Variants in GOLGA2 observed in about 807,000 individuals in gnomAD.
The protein encoded by GOLGA2 is golgin A2.
GOLGA2 carries 49 observed loss-of-function variants against 148.8 expected under a neutral mutation model. The observed-to-expected ratio is 0.33, with a 90% confidence interval of 0.26 to 0.42. The LOEUF (loss-of-function observed/expected upper bound fraction) is 0.42, where lower values mean the gene tolerates loss of function less well. Ranked by LOEUF, GOLGA2 falls within the 10% of genes least tolerant of loss-of-function variation. The probability of loss-of-function intolerance (pLI) is 1.00; values close to 1 mark genes in which losing one functional copy is unlikely to be tolerated. For synonymous variants in GOLGA2, 501 were observed against 511.8 expected, an observed-to-expected ratio of 0.98 and a Z score of 0.28; for missense variants, 1,178 against 1,304.6, an observed-to-expected ratio of 0.90 and a Z score of 1.49.
Position 128,265,779 on chromosome 9 carries a change from G to C in GOLGA2, c.826+9C>G. ...AGGTTGAAGGATGATGGGGTGCCCA[G>C]ATTCCCACCTTCTTTCTGCCTGGCA... is the stretch of plus-strand genomic sequence containing the variant. On this transcript the variant is annotated intron_variant, in intron 11 of 26. Coordinates refer to ENST00000611957, the MANE Select transcript of GOLGA2 (RefSeq NM_001366244.2). 1 of 1,613,042 alleles carries C rather than the reference G, an allele frequency of 6.2e-7. No homozygotes were observed. Among genetic ancestry groups the C allele is most frequent in the Non-Finnish European group, 8.5e-7 (1 of 1,178,952 alleles).
In GOLGA2 at chr9:128,272,835, C is replaced by A; in HGVS notation, c.238G>T (p.Asp80Tyr). The change falls in exon 3 of 27, where the codon GAC (aspartate) becomes TAC (tyrosine). Residue 80 changes from aspartate to tyrosine, a missense_variant. Transcript: ENST00000611957. ...IQDILKVLVS[D>Y]LNRSNGVALP... is the part of the protein sequence containing the mutation. ...GCTACCCCATTGGAACGGTTAAGGT[C>A]GGACACCAGCACCTTCAGAATGTCC... The A allele has an allele frequency of 7.8e-7, 1 of 1,281,100 alleles. No individual in the cohort carries two copies. The highest frequency in any genetic ancestry group is 1.0e-6 in the Non-Finnish European group (1 of 983,248). The allele number at this position is 1,281,100 out of a possible 1,614,324, so 79.4% of individuals were successfully genotyped here. A position where few individuals can be genotyped will look rare whatever the true frequency, so the allele number is the denominator to read the frequency against.
intron 19 of GOLGA2, among the ~76,000 whole-genome samples, 156 bp from the exon 20 acceptor site, chr9:128,259,547 C>T (rs1253516658): frequency 7.2e-5 from 11 of 152,190 alleles, no homozygotes; most frequent in Admixed American, 7.2e-4. Flanking sequence ...CTCGTGCCTC[C>T]TTCCCCAGCC....
chr9:128,272,502 A>G (rs1397048764), intron 3 of GOLGA2, among the ~76,000 whole-genome samples: 4 of 152,094 alleles, frequency 2.6e-5, no homozygotes, highest in Non-Finnish European at 5.9e-5. Context: ...AGAAAAAAAA[A>G]AGCCCCAAAT....
Position 128,266,533 on chromosome 9 carries a change from A to G in GOLGA2, c.643-208T>C, listed in dbSNP as rs1156975167. ...GTTTTTGCCCACAGCCACAGAACTGAAAGTCTGAATCTCGATTCTCTTGAA... is the reference window on the plus strand; with the variant it reads ...GTTTTTGCCCACAGCCACAGAACTGGAAGTCTGAATCTCGATTCTCTTGAA... On this transcript the variant is annotated intron_variant, in intron 8 of 26. Coordinates refer to ENST00000611957, the MANE Select transcript of GOLGA2 (RefSeq NM_001366244.2). The surrounding 1 kb of genome is among the most constrained non-coding windows in gnomAD (Gnocchi z 4.2). 1.7e-6 allele frequency: 1 copy of G among 604,762 alleles called. No individual in the cohort carries two copies. The highest frequency in any genetic ancestry group is 1.9e-5 in the African/African-American group (1 of 53,874). The allele number at this position is 604,762 out of a possible 1,614,324, so 37.5% of individuals were successfully genotyped here.
intron 3 of GOLGA2, among the ~76,000 whole-genome samples, chr9:128,269,438 T>C (rs542753576): frequency 3.3e-5 from 5 of 152,218 alleles, no homozygotes; most frequent in Admixed American, 2.0e-4. Flanking sequence ...GTAAGACATC[T>C]TCCCTGTGGC....
chr9:128,262,138 T>C (rs1197288797), intron 14 of GOLGA2, among the ~76,000 whole-genome samples: 3 of 150,780 alleles, frequency 2.0e-5, no homozygotes, highest in Admixed American at 6.6e-5. Context: ...GAAGTAGAGG[T>C]TGCAGTAAGT....
At chr9:128,259,131 T>A (rs1188021628) in intron 20 of GOLGA2, 36 bp downstream of exon 20, 1 of 1,598,434 alleles carries the variant, frequency 6.3e-7, no homozygotes, top group African/African-American at 1.3e-5. Flanking sequence ...TGCCAGGTTG[T>A]CCCCCTCGGG....
Position 128,266,360 on chromosome 9 carries a change from T to C in GOLGA2, c.643-35A>G. Reference sequence around the variant, plus strand: ...AGAGTCAAAGGAAGGTGACTGAGGGTGGCCCCCTCAACTCTATTCCCCAGA... The same window carrying C: ...AGAGTCAAAGGAAGGTGACTGAGGGCGGCCCCCTCAACTCTATTCCCCAGA... On this transcript the variant is annotated intron_variant, in intron 8 of 26. Transcript: ENST00000611957. This position sits in a 1 kb window ranked among gnomAD's most constrained non-coding sequence, Gnocchi z 4.2. 6.3e-7 allele frequency: 1 copy of C among 1,592,158 alleles called. No individual in the cohort carries two copies.
In GOLGA2 at chr9:128,257,864, T is replaced by C. The variant is rs1230780949; in HGVS notation, c.2537A>G (p.Lys846Arg). The change falls in exon 24 of 27, where the codon AAG becomes AGG. Residue 846 changes from lysine (K) to arginine (R), a missense_variant. By Grantham distance (26) the Lys-to-Arg change is conservative. This residue lies in a region of GOLGA2 where 529 missense variants were observed against 521.8 expected (regional missense o/e 1.01). Coordinates refer to ENST00000611957, the MANE Select transcript of GOLGA2 (RefSeq NM_001366244.2). This position sits in a 1 kb window ranked among gnomAD's most constrained non-coding sequence, Gnocchi z 8.0. ...QSRFMELMQE[K>R]ADLKERVEEL... ...CTCTACCCTCTCCTTCAGGTCTGCCTTCTCCTGCATGAGCTCCATAAAGCG... is the reference window on the plus strand; with the variant it reads ...CTCTACCCTCTCCTTCAGGTCTGCCCTCTCCTGCATGAGCTCCATAAAGCG... The C allele has an allele frequency of 1.2e-6, 2 of 1,614,052 alleles. No homozygotes were observed. Among genetic ancestry groups the C allele is most frequent in the Non-Finnish European group, 8.5e-7 (1 of 1,180,024 alleles).
rs561110056 is a variant in GOLGA2, at chr9:128,266,242, C to A, written c.681+45G>T. 2 of 1,565,084 alleles carry A rather than the reference C, an allele frequency of 1.3e-6. No individual in the cohort carries two copies. The highest frequency in any genetic ancestry group is 1.8e-6 in the Non-Finnish European group (2 of 1,135,848). On this transcript the variant is annotated intron_variant, in intron 9 of 26. Transcript: ENST00000611957. This position sits in a 1 kb window ranked among gnomAD's most constrained non-coding sequence, Gnocchi z 4.2. ...GAGGCCTCTACATTTGAATGCCCCC[C>A]AAACCCAGCAGTCATGTTGTGAGCA...
Position 128,271,587 on chromosome 9 carries a change from G to A in GOLGA2, c.288+1198C>T, listed in dbSNP as rs565121136. Among the ~76,000 whole-genome samples the A allele has an allele frequency of 5.3e-5, 8 of 151,920 alleles. No homozygotes were observed. Among genetic ancestry groups the A allele is most frequent in the East Asian group, 1.9e-4 (1 of 5,176 alleles). The stretch of plus-strand genomic sequence containing the variant: ...CTCTGTGAGTTCACACTCTGGCCAC[G>A]GCCTCACCGCTCCCCCTGCCTCCCC... On this transcript the variant is annotated intron_variant, in intron 3 of 26. Transcript: ENST00000611957. This position sits in a 1 kb window ranked among gnomAD's most constrained non-coding sequence, Gnocchi z 4.4.
At chr9:128,275,592 G>C in intron 1 of GOLGA2, 1 of 1,001,770 alleles carries the variant, frequency 1.0e-6, no homozygotes, top group South Asian at 2.3e-5. Flanking sequence ...TAGGTCCTTG[G>C]AGACGCCAGC....
intron 8 of GOLGA2, 66 bp downstream of exon 8, chr9:128,267,128 G>T (rs548573193): frequency 2.9e-5 from 33 of 1,126,408 alleles, no homozygotes; most frequent in Admixed American, 1.0e-4. Context: ...TTTCTTCAGG[G>T]TCCCAAGGGG....
Position 128,260,933 on chromosome 9 carries a change from T to C in GOLGA2, c.1421-131A>G, listed in dbSNP as rs1326177040. The C allele has an allele frequency of 5.6e-6, 4 of 716,822 alleles. No homozygotes were observed. The Admixed American group carries it at 1.1e-4, about 20-fold the overall frequency. 44.4% of individuals were successfully genotyped at this position (716,822 alleles called of 1,614,324 possible). ...TTCCTCGCACCCGGATGTTAGCCAA[T>C]CTTCCAAACCACTTTCCGATAGCGA... is the stretch of plus-strand genomic sequence containing the variant. On this transcript the variant is annotated intron_variant, in intron 17 of 26. Transcript: ENST00000611957. The surrounding 1 kb of genome is among the most constrained non-coding windows in gnomAD (Gnocchi z 4.8).
rs570799803 is a variant in GOLGA2 at position 128,275,961 on chromosome 9, G to A, written c.16C>T (p.Arg6Cys). MWPQPRLPPRPAMSEE... is the reference protein window; with the variant it reads MWPQPCLPPRPAMSEE... Reference sequence around the variant, plus strand: ...GACATCGCGGGGCGGGGAGGGAGGCGGGGTTGGGGCCACATCAGCGCGATC... The same window carrying A: ...GACATCGCGGGGCGGGGAGGGAGGCAGGGTTGGGGCCACATCAGCGCGATC... The change falls in exon 1 of 27, where the codon CGC becomes TGC. Residue 6 changes from arginine (R) to cysteine (C), a missense_variant. Physicochemically the swap from Arg to Cys is radical, Grantham distance 180. This residue lies in a region of GOLGA2 where 158 missense variants were observed against 156.6 expected (regional missense o/e 1.01). Transcript: ENST00000611957. 3.1e-6 allele frequency: 5 copies of A among 1,594,954 alleles called. No homozygotes were observed. In the South Asian group the frequency reaches 3.3e-5, roughly 11 times the overall value.
Position 128,258,387 on chromosome 9 carries a change from G to C in GOLGA2, c.2289+68C>G. On this transcript the variant is annotated intron_variant, in intron 22 of 26. Coordinates refer to ENST00000611957, the MANE Select transcript of GOLGA2 (RefSeq NM_001366244.2). The surrounding 1 kb of genome is among the most constrained non-coding windows in gnomAD (Gnocchi z 6.6). Reference sequence around the variant, plus strand: ...AAATCAGAAGGCCGGGAAACCAAGAGCAGAAGGGGGTCTGGGAGGGACCAC... The same window carrying C: ...AAATCAGAAGGCCGGGAAACCAAGACCAGAAGGGGGTCTGGGAGGGACCAC... The C allele has an allele frequency of 7.1e-7, 1 of 1,407,998 alleles. No individual in the cohort carries two copies. The highest frequency in any genetic ancestry group is 1.0e-6 in the Non-Finnish European group (1 of 996,056). 87.2% of individuals were successfully genotyped at this position (1,407,998 alleles called of 1,614,324 possible). A position where few individuals can be genotyped will look rare whatever the true frequency, so the allele number is the denominator to read the frequency against.
chr9:128,259,464 G>T, intron 19 of GOLGA2, 73 bp from the exon 20 acceptor site: 1 of 955,588 alleles, frequency 1.0e-6, no homozygotes, highest in Non-Finnish European at 1.6e-6. Flanking sequence ...ATAGGGTAGC[G>T]AGGGCTCTGT....
At position 128,258,206 on chromosome 9, in the gene GOLGA2, C is replaced by A; in HGVS notation, c.2290-8G>T. On this transcript the variant is annotated splice_polypyrimidine_tract_variant and splice_region_variant and intron_variant, in intron 22 of 26. Transcript: ENST00000611957. This position sits in a 1 kb window ranked among gnomAD's most constrained non-coding sequence, Gnocchi z 6.6. Reference sequence around the variant, plus strand: ...TGAGTTGAAAAATGCCACCTGCAGGCAAGAGGGGTGCATTCTTGTAGGAGG... The same window carrying A: ...TGAGTTGAAAAATGCCACCTGCAGGAAAGAGGGGTGCATTCTTGTAGGAGG... 6.4e-7 allele frequency: 1 copy of A among 1,574,432 alleles called. No individual in the cohort carries two copies.
intron 12 of GOLGA2, among the ~76,000 whole-genome samples, chr9:128,264,917 G>A (rs1372376734): frequency 1.3e-5 from 2 of 152,096 alleles, no homozygotes; most frequent in African/African-American, 4.8e-5. Context: ...TTTTGTAGAT[G>A]GACAACACGG....
Sources: allele counts gnomAD v4.1 joint callset (sites outside exome capture counted in the v4.1 genomes callset), GRCh38; gene constraint gnomAD v4.1.1; regional missense constraint gnomAD v4.1.1; non-coding constraint Gnocchi (gnomAD v3.1); transcripts MANE v1.5; gene names NCBI Gene and HGNC (gene_info 2026-07-23, HGNC 2026-07-21).